Variants in EIF5 observed in about 807,000 individuals in gnomAD.
The protein encoded by EIF5 is eukaryotic translation initiation factor 5.
Under a neutral mutation model 48.3 loss-of-function variants are expected in EIF5, and 10 were observed. That is an observed-to-expected ratio of 0.21 (90% CI 0.13 to 0.35). The LOEUF (loss-of-function observed/expected upper bound fraction) is 0.35, where lower values mean the gene tolerates loss of function less well. Ranked by LOEUF, EIF5 falls within the 10% of genes least tolerant of loss-of-function variation. The probability of loss-of-function intolerance (pLI) is 1.00; values close to 1 mark genes in which losing one functional copy is unlikely to be tolerated. For missense variants in EIF5, 397 were observed against 533.2 expected, an observed-to-expected ratio of 0.74 and a Z score of 2.51; for synonymous variants, 237 against 173.1, an observed-to-expected ratio of 1.37 and a Z score of -2.90.
chr14:103,334,436 G>A lies in EIF5; in HGVS notation c.-370G>A, dbSNP rs2089256782. 1 of 152,598 alleles carries A rather than the reference G, an allele frequency of 6.6e-6. No homozygotes were observed. The highest frequency in any genetic ancestry group is 2.4e-5 in the African/African-American group (1 of 41,420). The allele number at this position is 152,598 out of a possible 1,614,324, so 9.5% of individuals were successfully genotyped here. A position where few individuals can be genotyped will look rare whatever the true frequency, so the allele number is the denominator to read the frequency against. On this transcript the variant is annotated 5_prime_UTR_variant, in exon 2 of 12. Coordinates refer to ENST00000216554, the MANE Select transcript of EIF5 (RefSeq NM_001969.5). ...GGGTGTGGACCGCGGACGTCGCTGGGACAGCCCCTCCCCGCTGCTCGGCGG... is the reference window on the plus strand; with the variant it reads ...GGGTGTGGACCGCGGACGTCGCTGGAACAGCCCCTCCCCGCTGCTCGGCGG...
rs1595363831 is a variant in EIF5, at chr14:103,338,141, A to G, written c.440-186A>G. 1.9e-5 allele frequency: 16 copies of G among 837,842 alleles called. No individual in the cohort carries two copies. In the East Asian group the frequency reaches 3.7e-4, roughly 19 times the overall value. The allele number at this position is 837,842 out of a possible 1,614,324, so 51.9% of individuals were successfully genotyped here. A position where few individuals can be genotyped will look rare whatever the true frequency, so the allele number is the denominator to read the frequency against. The stretch of plus-strand genomic sequence containing the variant: ...TTTGTGTCACTCCATTCTTAGACTA[A>G]CATTCTTACGTATGAAATACATGAT... On this transcript the variant is annotated intron_variant, in intron 6 of 11. Transcript: ENST00000216554.
intron 6 of EIF5, 31 bp from the exon 7 acceptor site, chr14:103,338,296 G>T (rs375104582): frequency 1.9e-6 from 3 of 1,606,242 alleles, no homozygotes; most frequent in South Asian, 2.2e-5. Context: ...AAGTTATGGG[G>T]TTAAATTTTT....
chr14:103,338,379 G>T lies in EIF5; in HGVS notation c.492G>T (p.Lys164Asn). ...GKKEKEKKNR[K>N]GKDKENGSVS... is the part of the protein sequence containing the mutation. ...AAGAAAAAGAAAAGAAAAACAGAAA[G>T]GGCAAAGACAAGGAAAATGGCTCCG... The change falls in exon 7 of 12, where the codon AAG becomes AAT. Residue 164 changes from lysine (K) to asparagine (N), a missense_variant. Around this residue, in one of 4 missense-constraint regions of EIF5, gnomAD observed 126 missense variants for 141.9 expected, o/e 0.89. Coordinates refer to ENST00000216554, the MANE Select transcript of EIF5 (RefSeq NM_001969.5). 6.2e-7 allele frequency: 1 copy of T among 1,613,744 alleles called. No homozygotes were observed. Among genetic ancestry groups the T allele is most frequent in the Non-Finnish European group, 8.5e-7 (1 of 1,179,778 alleles).
At chr14:103,338,587 G>A in intron 7 of EIF5, 115 bp downstream of exon 7, 1 of 1,492,396 alleles carries the variant, frequency 6.7e-7, no homozygotes, top group South Asian at 1.4e-5. Flanking sequence ...CACTAATATT[G>A]TGGATTCCAA....
chr14:103,341,163 C>A lies in EIF5; in HGVS notation c.*111C>A. The A allele has an allele frequency of 3.4e-6, 3 of 894,302 alleles. No individual in the cohort carries two copies. Among genetic ancestry groups the A allele is most frequent in the Non-Finnish European group, 5.4e-6 (3 of 556,016 alleles). The allele number at this position is 894,302 out of a possible 1,614,324, so 55.4% of individuals were successfully genotyped here. On this transcript the variant is annotated 3_prime_UTR_variant, in exon 12 of 12. Coordinates refer to ENST00000216554, the MANE Select transcript of EIF5 (RefSeq NM_001969.5). The stretch of plus-strand genomic sequence containing the variant: ...GCTAAAATGGCTTAACATCATGCTA[C>A]ACTTTACACTAAAAATCTATTACTG...
intron 2 of EIF5, 124 bp downstream of exon 2, chr14:103,334,721 C>A (rs1034991430): frequency 6.8e-6 from 1 of 146,198 alleles, no homozygotes; most frequent in Non-Finnish European, 1.5e-5. Flanking sequence ...GGCCCGGGCG[C>A]CGGCCGCCCC....
chr14:103,339,008 C>G, intron 8 of EIF5, 115 bp downstream of exon 8: 2 of 1,486,926 alleles, frequency 1.3e-6, no homozygotes, highest in African/African-American at 1.4e-5. Context: ...CTTTTTAGAA[C>G]TCTTGTTCAT....
Position 103,344,152 on chromosome 14 carries a change from A to G in EIF5, c.*3100A>G, listed in dbSNP as rs1197727605. ...CATTCCATAAGTGGGGTGACAGCAA[A>G]TGACTTGCAGGTAGTCTCATTGTAG... On this transcript the variant is annotated 3_prime_UTR_variant, in exon 12 of 12. Coordinates refer to ENST00000216554, the MANE Select transcript of EIF5 (RefSeq NM_001969.5). 3 of 152,200 alleles carry G rather than the reference A, an allele frequency of 2.0e-5. No individual in the cohort carries two copies. The highest frequency in any genetic ancestry group is 6.5e-5 in the Admixed American group (1 of 15,288). The allele number at this position is 152,200 out of a possible 1,614,324, so 9.4% of individuals were successfully genotyped here. A position where few individuals can be genotyped will look rare whatever the true frequency, so the allele number is the denominator to read the frequency against.
chr14:103,336,152 T>C (rs2089282690), intron 4 of EIF5, 35 bp downstream of exon 4: 1 of 1,597,740 alleles, frequency 6.3e-7, no homozygotes, highest in African/African-American at 1.3e-5. Context: ...CAGGGCATAT[T>C]ATGGATAGAG....
Position 103,335,902 on chromosome 14 carries a change from T to C in EIF5, c.42T>C (p.Tyr14=). 1 of 1,614,202 alleles carries C rather than the reference T, an allele frequency of 6.2e-7. No homozygotes were observed. The highest frequency in any genetic ancestry group is 8.5e-7 in the Non-Finnish European group (1 of 1,180,030). ...ACCGCAGCGTGTCAGACCAGTTCTA[T>C]CGCTACAAGATGCCCCGTCTGATTG... The part of the protein sequence containing the change: ...NVNRSVSDQF[Y]RYKMPRLIAK... Residue 14 remains tyrosine, a synonymous_variant, in exon 3 of 12, where the codon TAT becomes TAC. Coordinates refer to ENST00000216554, the MANE Select transcript of EIF5 (RefSeq NM_001969.5).
chr14:103,337,741 C>G, intron 6 of EIF5: 1 of 428,676 alleles, frequency 2.3e-6, no homozygotes, highest in South Asian at 1.8e-5. Context: ...AAGACATTAT[C>G]TGAGGGTAGA....
At position 103,344,082 on chromosome 14, in the gene EIF5, A is replaced by C. The variant is rs1229470225; in HGVS notation, c.*3030A>C. 2 of 152,210 alleles carry C rather than the reference A, an allele frequency of 1.3e-5. No individual in the cohort carries two copies. Among genetic ancestry groups the C allele is most frequent in the African/African-American group, 4.8e-5 (2 of 41,462 alleles). The allele number at this position is 152,210 out of a possible 1,614,324, so 9.4% of individuals were successfully genotyped here. ...TGTGACCCCAAGGGGACAGGGAGTC[A>C]CTTTGGTCATCTCTGTCCCCAGTAC... On this transcript the variant is annotated 3_prime_UTR_variant, in exon 12 of 12. Coordinates refer to ENST00000216554, the MANE Select transcript of EIF5 (RefSeq NM_001969.5).
chr14:103,335,530 C>T, intron 2 of EIF5, 123 bp from the exon 3 acceptor site: 1 of 366,422 alleles, frequency 2.7e-6, no homozygotes, highest in South Asian at 3.2e-5. Context: ...CATGTGATCT[C>T]AGATGCTTTT....
rs1476387381 is a variant in EIF5, at chr14:103,341,541, TAAGA to T, written c.*493_*496del. ...ATTGTAATTAATTTATTCAGCCCAT[TAAGA>T]AAGTACTAAAGTTTTATCTCTGTAG... On this transcript the variant is annotated 3_prime_UTR_variant, in exon 12 of 12. Transcript: ENST00000216554. The T allele has an allele frequency of 5.1e-5, 8 of 156,498 alleles. No homozygotes were observed. Among genetic ancestry groups the T allele is most frequent in the African/African-American group, 1.4e-4 (6 of 41,604 alleles). The allele number at this position is 156,498 out of a possible 1,614,324, so 9.7% of individuals were successfully genotyped here. A position where few individuals can be genotyped will look rare whatever the true frequency, so the allele number is the denominator to read the frequency against.
chr14:103,342,621 A>G lies in EIF5; in HGVS notation c.*1569A>G, dbSNP rs1389557985. Reference sequence around the variant, plus strand: ...TGAAATGATAGAAACATTTGATGTAATAAAACTTGGTTGGCTTGATATTTT... The same window carrying G: ...TGAAATGATAGAAACATTTGATGTAGTAAAACTTGGTTGGCTTGATATTTT... On this transcript the variant is annotated 3_prime_UTR_variant, in exon 12 of 12. Coordinates refer to ENST00000216554, the MANE Select transcript of EIF5 (RefSeq NM_001969.5). The G allele has an allele frequency of 6.6e-6, 1 of 152,594 alleles. No homozygotes were observed. The highest frequency in any genetic ancestry group is 1.5e-5 in the Non-Finnish European group (1 of 68,042). 9.5% of individuals were successfully genotyped at this position (152,594 alleles called of 1,614,324 possible). A position where few individuals can be genotyped will look rare whatever the true frequency, so the allele number is the denominator to read the frequency against.
Position 103,342,829 on chromosome 14 carries a change from C to G in EIF5, c.*1777C>G, listed in dbSNP as rs962508423. The G allele has an allele frequency of 6.6e-6, 1 of 152,566 alleles. No individual in the cohort carries two copies. The highest frequency in any genetic ancestry group is 2.4e-5 in the African/African-American group (1 of 41,420). 9.5% of individuals were successfully genotyped at this position (152,566 alleles called of 1,614,324 possible). A position where few individuals can be genotyped will look rare whatever the true frequency, so the allele number is the denominator to read the frequency against. On this transcript the variant is annotated 3_prime_UTR_variant, in exon 12 of 12. Transcript: ENST00000216554. ...TGCCTAGGTTTCAAATTCTTTGCCGCAAGGCTGATCTGCTTTCATTAACTG... is the reference window on the plus strand; with the variant it reads ...TGCCTAGGTTTCAAATTCTTTGCCGGAAGGCTGATCTGCTTTCATTAACTG...
rs150249829 is a variant in EIF5 at position 103,340,441 on chromosome 14, T to C, written c.1086T>C (p.Tyr362=). 1.0e-5 allele frequency: 16 copies of C among 1,602,002 alleles called. No individual in the cohort carries two copies. The Admixed American group carries it at 1.5e-4, about 15-fold the overall frequency. ...ACATTTTTTAGGCCTCTAAGAAATA[T>C]GTCTCCAAAGAACTTGCCAAAGAGA... ...ISWSEKASKK[Y]VSKELAKEIR... Residue 362 remains tyrosine, a synonymous_variant, in exon 11 of 12, where the codon TAT becomes TAC. Coordinates refer to ENST00000216554, the MANE Select transcript of EIF5 (RefSeq NM_001969.5).
rs1481503861 is a variant in EIF5, at chr14:103,343,843, AT to A, written c.*2794del. ...ATAACCCTTCATGTATTTTAAATTT[AT>A]TTGACAAGTCTGCAGACAATCCTTA... is the stretch of plus-strand genomic sequence containing the variant. On this transcript the variant is annotated 3_prime_UTR_variant, in exon 12 of 12. Coordinates refer to ENST00000216554, the MANE Select transcript of EIF5 (RefSeq NM_001969.5). 6.6e-6 allele frequency: 1 copy of A among 152,224 alleles called. No homozygotes were observed. Among genetic ancestry groups the A allele is most frequent in the East Asian group, 1.9e-4 (1 of 5,200 alleles). The allele number at this position is 152,224 out of a possible 1,614,324, so 9.4% of individuals were successfully genotyped here.
In EIF5 at chr14:103,342,371, C is replaced by G. The variant is rs999585066; in HGVS notation, c.*1319C>G. On this transcript the variant is annotated 3_prime_UTR_variant, in exon 12 of 12. Transcript: ENST00000216554. ...AGAGTTGATAACTTCCTCATGAACT[C>G]CTTGCCTGATCTAAACTCATATTAT... 5.9e-5 allele frequency: 9 copies of G among 152,164 alleles called. No homozygotes were observed. Among genetic ancestry groups the G allele is most frequent in the African/African-American group, 2.2e-4 (9 of 41,416 alleles). 9.4% of individuals were successfully genotyped at this position (152,164 alleles called of 1,614,324 possible).
Sources: gnomAD v4.1 joint callset for allele counts on GRCh38, gnomAD v4.1.1 for gene constraint, gnomAD v4.1.1 regional missense constraint, MANE v1.5 for transcripts, NCBI Gene and HGNC (gene_info 2026-07-23, HGNC 2026-07-21) for gene names.